Variants in RNF34 observed in about 807,000 individuals in gnomAD.
RNF34 encodes E3 ubiquitin-protein ligase RNF34.
In RNF34, 12 loss-of-function variants were observed where a neutral mutation model predicts 37.9. That is an observed-to-expected ratio of 0.32 (90% CI 0.20 to 0.51). The LOEUF (loss-of-function observed/expected upper bound fraction) is 0.51, where lower values mean the gene tolerates loss of function less well. Ranked by LOEUF, RNF34 falls within the 20% of genes least tolerant of loss-of-function variation. The pLI, the probability that RNF34 is intolerant of heterozygous loss-of-function variation, is 0.97. For missense variants in RNF34, 362 were observed against 472.7 expected, an observed-to-expected ratio of 0.77 and a Z score of 2.17; for synonymous variants, 155 against 177.2, an observed-to-expected ratio of 0.87 and a Z score of 1.00.
intron 4 of RNF34, 40 bp downstream of exon 4, chr12:121,420,374 G>T (rs370594485): frequency 1.3e-6 from 2 of 1,554,402 alleles, no homozygotes; most frequent in Non-Finnish European, 1.7e-6. Flanking sequence ...TGACATGTCA[G>T]CCTGACAGGA....
Position 121,420,254 on chromosome 12 carries a change from A to G in RNF34, c.646A>G (p.Ile216Val), listed in dbSNP as rs1026196601. The G allele has an allele frequency of 1.2e-6, 2 of 1,608,002 alleles. No individual in the cohort carries two copies. The highest frequency in any genetic ancestry group is 2.7e-5 in the African/African-American group (2 of 74,800). The stretch of plus-strand genomic sequence containing the variant: ...TGTATAAGTGTAGGTACAAAGTGAA[A>G]TCACTTCAGCAAACACAGAAGATGA... ...SGVPAQVQSE[I>V]TSANTEDDDD... is the part of the protein sequence containing the mutation. The change falls in exon 4 of 6, where the codon ATC (isoleucine) becomes GTC (valine). Residue 216 changes from isoleucine (I) to valine (V), a missense_variant. Ile to Val is a conservative substitution (Grantham distance 29, BLOSUM62 3). Coordinates refer to ENST00000361234, the MANE Select transcript of RNF34 (RefSeq NM_025126.4).
chr12:121,418,093 C>G, intron 3 of RNF34, 182 bp downstream of exon 3: 2 of 654,684 alleles, frequency 3.1e-6, no homozygotes, highest in Admixed American at 3.1e-5. Context: ...TGCTGAGGTG[C>G]TAGGTGGCTC....
At chr12:121,403,818 G>A (rs1193951238) in intron 1 of RNF34, among the ~76,000 whole-genome samples, 9 of 152,014 alleles carry the variant, frequency 5.9e-5, no homozygotes, top group African/African-American at 1.9e-4. Flanking sequence ...CAAGGTAGAC[G>A]CTTATGAGAA....
At chr12:121,421,197 A>G (rs75616931) in intron 5 of RNF34, among the ~76,000 whole-genome samples, 13,528 of 151,926 alleles carry the variant, frequency 0.089, 723 homozygotes, top group South Asian at 0.23. Context: ...CTTAGCATCA[A>G]CTATCTGTAG....
chr12:121,413,429 T>TTTTTTTTTTTTA (rs1871282024), intron 1 of RNF34, among the ~76,000 whole-genome samples: 15 of 148,784 alleles, frequency 1.0e-4, no homozygotes, highest in South Asian at 6.4e-4. Flanking sequence ...TTTTTTTTTT[T>TTTTTTTTTTTTA]GAGACGGAGT....
chr12:121,420,105 G>A (rs1021738767), intron 3 of RNF34, 137 bp from the exon 4 acceptor site: 2 of 748,976 alleles, frequency 2.7e-6, no homozygotes, highest in Non-Finnish European at 4.4e-6. Flanking sequence ...TTTTGGAAGG[G>A]TCAGCAGCAT....
At chr12:121,403,297 G>A (rs140252700) in intron 1 of RNF34, among the ~76,000 whole-genome samples, 4,240 of 151,786 alleles carry the variant, frequency 0.028, 218 homozygotes, top group African/African-American at 0.098. Flanking sequence ...TCTGGAGGCT[G>A]AGGCAGGAGA....
intron 1 of RNF34, among the ~76,000 whole-genome samples, chr12:121,415,106 A>G (rs1871436603): frequency 6.6e-6 from 1 of 152,042 alleles, no homozygotes; most frequent in Non-Finnish European, 1.5e-5. Flanking sequence ...CAAGAAAAAA[A>G]AGAATTTGGA....
chr12:121,420,095 T>C, intron 3 of RNF34, 147 bp from the exon 4 acceptor site: 1 of 646,182 alleles, frequency 1.5e-6, no homozygotes, highest in South Asian at 2.3e-5. Context: ...GGGCCCAACT[T>C]TTTGGAAGGG....
At chr12:121,414,838 A>C (rs1215931760) in intron 1 of RNF34, among the ~76,000 whole-genome samples, 1 of 152,220 alleles carries the variant, frequency 6.6e-6, no homozygotes, top group Non-Finnish European at 1.5e-5. Context: ...TCATGCCTGT[A>C]ATCCCAGCAC....
At chr12:121,407,080 C>T (rs1243259374) in intron 1 of RNF34, among the ~76,000 whole-genome samples, 2 of 152,090 alleles carry the variant, frequency 1.3e-5, no homozygotes, top group Admixed American at 1.3e-4. Context: ...CCTCCTTCCC[C>T]CTCCCCCCAG....
intron 1 of RNF34, among the ~76,000 whole-genome samples, chr12:121,401,277 C>T (rs1416979888): frequency 6.9e-6 from 1 of 145,034 alleles, no homozygotes; most frequent in Non-Finnish European, 1.5e-5. Flanking sequence ...AGTCTCATCC[C>T]TTAGGAAGGC....
intron 1 of RNF34, among the ~76,000 whole-genome samples, chr12:121,411,829 T>G (rs1555281396): frequency 1.3e-5 from 2 of 152,224 alleles, no homozygotes; most frequent in Non-Finnish European, 2.9e-5. Context: ...CTAAGAGAGC[T>G]GTTGGTTTAG....
At chr12:121,418,038 C>A in intron 3 of RNF34, 127 bp downstream of exon 3, 2 of 990,216 alleles carry the variant, frequency 2.0e-6, no homozygotes, top group Non-Finnish European at 3.0e-6. Flanking sequence ...AGCTTCCACA[C>A]CCAGCTGAAC....
At position 121,415,864 on chromosome 12, in the gene RNF34, A is replaced by G. The variant is rs1250385979; in HGVS notation, c.7-295A>G. 3.9e-5 allele frequency among the ~76,000 whole-genome samples: 3 copies of G among 77,666 alleles called. No individual in the cohort carries two copies. In the Admixed American group the frequency reaches 4.7e-4, roughly 12 times the overall value. The allele number at this position is 77,666 out of a possible 152,430, so 51.0% of individuals were successfully genotyped here. A position where few individuals can be genotyped will look rare whatever the true frequency, so the allele number is the denominator to read the frequency against. ...TCTTTTTTTTTTTTTTTTTTTTTAC[A>G]TGCCTGTGTACATGTATCTGTTTTG... On this transcript the variant is annotated intron_variant, in intron 1 of 5. Coordinates refer to ENST00000361234, the MANE Select transcript of RNF34 (RefSeq NM_025126.4).
intron 1 of RNF34, chr12:121,402,822 T>C: frequency 1.3e-6 from 2 of 1,545,046 alleles, no homozygotes; most frequent in Non-Finnish European, 1.8e-6. Context: ...CATTTGTATC[T>C]ATAGCACATG....
intron 1 of RNF34, among the ~76,000 whole-genome samples, chr12:121,413,963 G>C (rs1217139592): frequency 6.6e-6 from 1 of 152,186 alleles, no homozygotes; most frequent in African/African-American, 2.4e-5. Context: ...TGATACTTCA[G>C]ACTGTTTGAA....
intron 3 of RNF34, among the ~76,000 whole-genome samples, chr12:121,419,542 G>A (rs1167634068): frequency 1.3e-5 from 2 of 149,712 alleles, no homozygotes; most frequent in African/African-American, 5.0e-5. Flanking sequence ...GGGTGATGTG[G>A]ATTGTTGGAT....
Position 121,404,861 on chromosome 12 carries a change from CAT to C in RNF34, c.6+4646_6+4647del, listed in dbSNP as rs550838098. On this transcript the variant is annotated intron_variant, in intron 1 of 5. Coordinates refer to ENST00000361234, the MANE Select transcript of RNF34 (RefSeq NM_025126.4). ...TTTCTCCCCACAGGGATTCTGAAAA[CAT>C]ATTAGATTATACACACACAGAAGCA... The C allele has an allele frequency of 1.2e-4, 19 of 152,308 alleles. No individual in the cohort carries two copies. The East Asian group carries it at 3.7e-3, about 29-fold the overall frequency. 9.4% of individuals were successfully genotyped at this position (152,308 alleles called of 1,614,324 possible).
Sources: allele counts gnomAD v4.1 joint callset (sites outside exome capture counted in the v4.1 genomes callset), GRCh38; gene constraint gnomAD v4.1.1; transcripts MANE v1.5; gene names NCBI Gene and HGNC (gene_info 2026-07-23, HGNC 2026-07-21).